The following ZGLP1 variants were observed in gnomAD, a reference collection of about 807,000 sequenced individuals.
ZGLP1 encodes the protein zinc finger GATA like protein 1.
In ZGLP1, 11 loss-of-function variants were observed where a neutral mutation model predicts 21.4. The ratio of observed to expected loss-of-function variants is 0.51; its 90% CI spans 0.32 to 0.85. The LOEUF (loss-of-function observed/expected upper bound fraction) is 0.85, where lower values mean the gene tolerates loss of function less well. Ranked by LOEUF, ZGLP1 falls within the 40% of genes least tolerant of loss-of-function variation. ZGLP1 has a pLI of 0.03. For synonymous variants in ZGLP1, 148 were observed against 145.0 expected, an observed-to-expected ratio of 1.02 and a Z score of -0.15; for missense variants, 295 against 355.6, an observed-to-expected ratio of 0.83 and a Z score of 1.37.
Position 10,305,301 on chromosome 19 carries a change from T to C in ZGLP1, c.698+89A>G. The C allele has an allele frequency of 6.5e-7, 1 of 1,548,940 alleles. No individual in the cohort carries two copies. The highest frequency in any genetic ancestry group is 1.9e-5 in the Admixed American group (1 of 53,924). ...CCACTTTTCCCAAGAGGTAGGTGTTTTGCTTTTTGCTTTCCCCACAGGCCA... is the reference window on the plus strand; with the variant it reads ...CCACTTTTCCCAAGAGGTAGGTGTTCTGCTTTTTGCTTTCCCCACAGGCCA... On this transcript the variant is annotated intron_variant, in intron 3 of 3. Transcript: ENST00000403903. The surrounding 1 kb of genome is among the most constrained non-coding windows in gnomAD (Gnocchi z 4.7).
chr19:10,307,516 GT>G lies in ZGLP1; in HGVS notation c.497+668del, dbSNP rs34638207. Among the ~76,000 whole-genome samples the G allele has an allele frequency of 1.3e-3, 165 of 130,558 alleles. 1 individual carries two copies. The highest frequency in any genetic ancestry group is 1.2e-3 in the Admixed American group (15 of 12,598). The allele number at this position is 130,558 out of a possible 152,430, so 85.7% of individuals were successfully genotyped here. On this transcript the variant is annotated intron_variant, in intron 1 of 3. Coordinates refer to ENST00000403903, the Ensembl canonical transcript of ZGLP1. ...AGGTGCCCATTACCATTCCCAGCTA[GT>G]TTTTTTTTTTTTTTTGAGACTGAGT...
exon 1 of ZGLP1, chr19:10,309,035 A>G (rs2040297208): frequency 5.1e-6 from 1 of 197,082 alleles, no homozygotes; most frequent in Admixed American, 6.0e-5. Context: ...GGCACGCGCC[A>G]CCACGCCGCT....
Position 10,305,903 on chromosome 19 carries a change from C to A in ZGLP1, c.547G>T (p.Gly183Cys). 6.4e-7 allele frequency: 1 copy of A among 1,565,428 alleles called. No homozygotes were observed. The highest frequency in any genetic ancestry group is 8.7e-7 in the Non-Finnish European group (1 of 1,153,622). The change falls in exon 2 of 4, where the codon GGC becomes TGC. Residue 183 changes from glycine to cysteine, a missense_variant. Coordinates refer to ENST00000403903, the Ensembl canonical transcript of ZGLP1. This position sits in a 1 kb window ranked among gnomAD's most constrained non-coding sequence, Gnocchi z 4.7. ...GTGCCTCCTGGGTGGGCTGCAGGGC[C>A]CCCAACAGCATCTGCAGGGGATTCC...
Position 10,305,262 on chromosome 19 carries a change from C to T in ZGLP1, c.699-54G>A, listed in dbSNP as rs2040272879. 2 of 1,589,670 alleles carry T rather than the reference C, an allele frequency of 1.3e-6. No homozygotes were observed. Among genetic ancestry groups the T allele is most frequent in the Non-Finnish European group, 1.7e-6 (2 of 1,159,228 alleles). ...TTAGGATGCAGTGGGGGCCCGGAAA[C>T]CGCCACAAGGAAACCACTTTTCCCA... On this transcript the variant is annotated intron_variant, in intron 3 of 3. Transcript: ENST00000403903. The surrounding 1 kb of genome is among the most constrained non-coding windows in gnomAD (Gnocchi z 4.7).
At chr19:10,308,770 C>T in exon 1 of ZGLP1, 1 of 1,276,474 alleles carries the variant, frequency 7.8e-7, no homozygotes, top group Non-Finnish European at 1.0e-6. Context: ...CAGCCCTCCA[C>T]ATCAATCAAC....
At chr19:10,306,101 A>ATAATAT in intron 1 of ZGLP1, 149 bp from the exon 3 acceptor site, 1 of 360,064 alleles carries the variant, frequency 2.8e-6, no homozygotes, top group Admixed American at 4.7e-5. Flanking sequence ...CTCATTAGTA[A>ATAATAT]TATTATTATT....
At chr19:10,307,498 C>T (rs1199135113) in intron 1 of ZGLP1, among the ~76,000 whole-genome samples, 1 of 150,668 alleles carries the variant, frequency 6.6e-6, no homozygotes, top group Non-Finnish European at 1.5e-5. Context: ...TACAGGTGCC[C>T]ATTACCATTC....
chr19:10,306,101 A>ATATTAT lies in ZGLP1; in HGVS notation c.498-155_498-150dup, dbSNP rs3073811. 4.9e-3 allele frequency: 1,774 copies of ATATTAT among 360,170 alleles called. 17 individuals carry two copies. The highest frequency in any genetic ancestry group is 0.023 in the African/African-American group (1,072 of 46,880). 22.3% of individuals were successfully genotyped at this position (360,170 alleles called of 1,614,324 possible). On this transcript the variant is annotated intron_variant, in intron 1 of 3. Transcript: ENST00000403903. ...GGCCTGGCTTTGCCTCTCATTAGTA[A>ATATTAT]TATTATTATTATTATTATTATTATT...
rs1178644965 is a variant in ZGLP1 at position 10,308,732 on chromosome 19, C to G, written c.-51G>C. The G allele has an allele frequency of 5.6e-6, 8 of 1,421,912 alleles. No homozygotes were observed. The East Asian group carries it at 1.9e-4, about 34-fold the overall frequency. The allele number at this position is 1,421,912 out of a possible 1,614,324, so 88.1% of individuals were successfully genotyped here. A position where few individuals can be genotyped will look rare whatever the true frequency, so the allele number is the denominator to read the frequency against. ...GAGTTGCAGTAATTGCAACTCACCT[C>G]GCCCACTGTGGGCCTCCCAGGCACG... On this transcript the variant is annotated 5_prime_UTR_variant, in exon 1 of 4. Transcript: ENST00000403903.
At position 10,309,777 on chromosome 19, in the gene ZGLP1, C is replaced by CT. The variant is rs924774658; in HGVS notation, c.-1097dup. Reference sequence around the variant, plus strand: ...TAGCCCTCCCCCTCGGAAATGGGGGCTCCCAGGCCTCTGCCTTGGATCCCC... The same window carrying CT: ...TAGCCCTCCCCCTCGGAAATGGGGGCTTCCCAGGCCTCTGCCTTGGATCCCC... On this transcript the variant is annotated 5_prime_UTR_variant, in exon 1 of 4. It removes the in-frame stop codon of an upstream open reading frame in the 5' UTR. Coordinates refer to ENST00000403903, the Ensembl canonical transcript of ZGLP1. 6.6e-5 allele frequency: 10 copies of CT among 152,286 alleles called. No homozygotes were observed. The highest frequency in any genetic ancestry group is 2.4e-4 in the African/African-American group (10 of 41,464). The allele number at this position is 152,286 out of a possible 1,614,324, so 9.4% of individuals were successfully genotyped here.
chr19:10,308,083 A>G, intron 1 of ZGLP1, 102 bp downstream of exon 2: 1 of 1,446,128 alleles, frequency 6.9e-7, no homozygotes, highest in East Asian at 2.3e-5. Flanking sequence ...CGTAGAGCAC[A>G]GGTGAGGGTC....
At chr19:10,308,419 C>T in exon 1 of ZGLP1, 2 of 1,609,322 alleles carry the variant, frequency 1.2e-6, no homozygotes, top group Non-Finnish European at 8.5e-7. Context: ...GCCCTGAGTC[C>T]CCAGAGCCAT....
Position 10,305,317 on chromosome 19 carries a change from C to A in ZGLP1, c.698+73G>T. The stretch of plus-strand genomic sequence containing the variant: ...GTAGGTGTTTTGCTTTTTGCTTTCC[C>A]CACAGGCCATCCTGGTTACACGTGG... On this transcript the variant is annotated intron_variant, in intron 3 of 3. Transcript: ENST00000403903. This position sits in a 1 kb window ranked among gnomAD's most constrained non-coding sequence, Gnocchi z 4.7. The A allele has an allele frequency of 6.5e-7, 1 of 1,547,226 alleles. No homozygotes were observed. Among genetic ancestry groups the A allele is most frequent in the Non-Finnish European group, 8.8e-7 (1 of 1,134,956 alleles).
At chr19:10,307,555 C>G (rs886645487) in intron 1 of ZGLP1, among the ~76,000 whole-genome samples, 2 of 147,564 alleles carry the variant, frequency 1.4e-5, no homozygotes, top group Non-Finnish European at 3.0e-5. Context: ...CACTCTGTGG[C>G]TCAGGCTGGA....
Position 10,305,324 on chromosome 19 carries a change from C to G in ZGLP1, c.698+66G>C, listed in dbSNP as rs1426892024. ...TTTTGCTTTTTGCTTTCCCCACAGG[C>G]CATCCTGGTTACACGTGGACTGATT... is the stretch of plus-strand genomic sequence containing the variant. On this transcript the variant is annotated intron_variant, in intron 3 of 3. Transcript: ENST00000403903. This position sits in a 1 kb window ranked among gnomAD's most constrained non-coding sequence, Gnocchi z 4.7. 3 of 1,542,104 alleles carry G rather than the reference C, an allele frequency of 1.9e-6. No homozygotes were observed. The highest frequency in any genetic ancestry group is 1.9e-5 in the Admixed American group (1 of 52,532).
chr19:10,306,752 C>T (rs1311690271), intron 1 of ZGLP1, among the ~76,000 whole-genome samples: 2 of 151,920 alleles, frequency 1.3e-5, no homozygotes, highest in African/African-American at 4.8e-5. Context: ...GAGGTCCAGG[C>T]TGCAGTGAGC....
chr19:10,308,668 T>G, exon 1 of ZGLP1: 1 of 1,496,074 alleles, frequency 6.7e-7, no homozygotes, highest in East Asian at 2.3e-5. Flanking sequence ...ACACCCCACC[T>G]GAGGTTCAGT....
exon 1 of ZGLP1, chr19:10,309,522 GCCCTGTCCC>G (rs1395580637): frequency 2.0e-5 from 3 of 152,706 alleles, no homozygotes; most frequent in Non-Finnish European, 4.4e-5. Flanking sequence ...ATTTCACCCG[GCCCTGTCCC>G]GCTGGGCCCA....
exon 1 of ZGLP1, chr19:10,308,475 C>T (rs1471793428): frequency 6.2e-7 from 1 of 1,611,408 alleles, no homozygotes; most frequent in Admixed American, 1.7e-5. Context: ...GGGCAGGGGA[C>T]TGACCCAGCC....
Sources: gnomAD v4.1 joint callset for allele counts (sites outside exome capture counted in the v4.1 genomes callset) on GRCh38, gnomAD v4.1.1 for gene constraint, Gnocchi (gnomAD v3.1) non-coding constraint, MANE v1.5 for transcripts, NCBI Gene and HGNC (gene_info 2026-07-23, HGNC 2026-07-21) for gene names.